Variants in TGM5 observed in about 807,000 individuals in gnomAD.
TGM5 encodes protein-glutamine gamma-glutamyltransferase 5.
In TGM5, 69 loss-of-function variants were observed where a neutral mutation model predicts 77.2. That is an observed-to-expected ratio of 0.89 (90% CI 0.74 to 1.09). TGM5 has a LOEUF of 1.09. Among genes scored for constraint, TGM5 ranks in the 50% least tolerant of loss-of-function variants. The pLI, the probability that TGM5 is intolerant of heterozygous loss-of-function variation, is 0.00. For synonymous variants in TGM5, 346 were observed against 351.8 expected (o/e 0.98, Z 0.18); for missense variants, 842 against 896.5 (o/e 0.94, Z 0.78).
intron 9 of TGM5, among the ~76,000 whole-genome samples, chr15:43,238,280 C>T (rs1007645648): frequency 3.3e-5 from 5 of 152,200 alleles, no homozygotes; most frequent in South Asian, 2.1e-4. Flanking sequence ...TAGTGGCTGG[C>T]GCTTCTCAAT....
At chr15:43,257,607 C>A (rs1215793767) in intron 3 of TGM5, among the ~76,000 whole-genome samples, 1 of 152,058 alleles carries the variant, frequency 6.6e-6, no homozygotes, top group Non-Finnish European at 1.5e-5. Context: ...TGGAGACATA[C>A]CAACACTTTT....
At chr15:43,244,352 C>T (rs994510002) in intron 6 of TGM5, among the ~76,000 whole-genome samples, 3 of 152,194 alleles carry the variant, frequency 2.0e-5, no homozygotes, top group African/African-American at 7.2e-5. Flanking sequence ...AAGTGAGGCA[C>T]CTTTAACCTG....
intron 6 of TGM5, among the ~76,000 whole-genome samples, chr15:43,243,172 G>A (rs2042649807): frequency 6.6e-6 from 1 of 152,198 alleles, no homozygotes; most frequent in Non-Finnish European, 1.5e-5. Flanking sequence ...TTGTTTATGA[G>A]TCTGTCTTCC....
At chr15:43,241,286 C>T in intron 6 of TGM5, 1 of 456,820 alleles carries the variant, frequency 2.2e-6, no homozygotes, top group Non-Finnish European at 4.1e-6. Flanking sequence ...GACTGGCAAG[C>T]CTTTCCTTTG....
intron 1 of TGM5, among the ~76,000 whole-genome samples, chr15:43,265,790 A>C (rs1478427201): frequency 6.6e-6 from 1 of 152,242 alleles, no homozygotes; most frequent in Non-Finnish European, 1.5e-5. Context: ...ATTGAAAACA[A>C]CCTAAATGCC....
chr15:43,239,055 G>A lies in TGM5; in HGVS notation c.1107C>T (p.Gly369=), dbSNP rs763759928. The A allele has an allele frequency of 1.7e-5, 27 of 1,614,092 alleles. 1 individual carries two copies. The highest frequency in any genetic ancestry group is 8.8e-5 in the South Asian group (8 of 91,078). The stretch of plus-strand genomic sequence containing the variant: ...CAGAGGCAGGGCCACAGCAGTAGAC[G>A]CCTGAAGGAGAACAGGGGAGCCTCG... ...LDATPQEMSN[G]VYCCGPASVR... Residue 369 remains glycine (G), a splice_region_variant and synonymous_variant, in exon 9 of 13, where the codon GGC becomes GGT. Transcript: ENST00000220420.
Position 43,235,465 on chromosome 15 carries a change from G to T in TGM5, c.1714+4C>A, listed in dbSNP as rs766911438. The T allele has an allele frequency of 4.3e-6, 7 of 1,614,010 alleles. No homozygotes were observed. Among genetic ancestry groups the T allele is most frequent in the African/African-American group, 1.3e-5 (1 of 74,914 alleles). ...CTGCGTACACAAACTGTGCACATGCGTACCTTCTTTAGGAGAGAGTGTGAT... is the reference window on the plus strand; with the variant it reads ...CTGCGTACACAAACTGTGCACATGCTTACCTTCTTTAGGAGAGAGTGTGAT... On this transcript the variant is annotated splice_donor_region_variant and intron_variant, in intron 10 of 12. Transcript: ENST00000220420.
Position 43,266,897 on chromosome 15 carries a change from G to C in TGM5, c.-48C>G. 1 of 1,613,258 alleles carries C rather than the reference G, an allele frequency of 6.2e-7. No homozygotes were observed. Among genetic ancestry groups the C allele is most frequent in the South Asian group, 1.1e-5 (1 of 91,078 alleles). On this transcript the variant is annotated 5_prime_UTR_variant, in exon 1 of 13. Transcript: ENST00000220420. ...GATGCTCCCCACAGAACAGCTGGGC[G>C]GTCTGGAGCTTCAGCAAACTGGTGC...
intron 6 of TGM5, among the ~76,000 whole-genome samples, chr15:43,242,631 G>A (rs2042644584): frequency 6.6e-6 from 1 of 152,206 alleles, no homozygotes; most frequent in Non-Finnish European, 1.5e-5. Context: ...TTGACACAGA[G>A]CCTCTCCAGG....
At position 43,248,394 on chromosome 15, in the gene TGM5, G is replaced by A. The variant is rs574308370; in HGVS notation, c.862+4365C>T. Among the ~76,000 whole-genome samples the A allele has an allele frequency of 3.6e-4, 55 of 152,174 alleles. 1 individual carries two copies. The highest frequency in any genetic ancestry group is 6.6e-4 in the Non-Finnish European group (45 of 68,006). ...TCACCATGTTAGTCAAGTTGGTCTCGATCTCCTGACCTGGTGATTCCCCTG... is the reference window on the plus strand; with the variant it reads ...TCACCATGTTAGTCAAGTTGGTCTCAATCTCCTGACCTGGTGATTCCCCTG... On this transcript the variant is annotated intron_variant, in intron 6 of 12. Coordinates refer to ENST00000220420, the MANE Select transcript of TGM5 (RefSeq NM_201631.4).
chr15:43,257,580 G>C (rs181494119), intron 3 of TGM5, among the ~76,000 whole-genome samples: 3 of 152,204 alleles, frequency 2.0e-5, no homozygotes, highest in African/African-American at 7.2e-5. Flanking sequence ...CTACATGTTG[G>C]GGGTGTGGAG....
intron 7 of TGM5, chr15:43,239,490 T>C: frequency 1.8e-6 from 1 of 564,324 alleles, no homozygotes; most frequent in Non-Finnish European, 3.2e-6. Context: ...AAGATTAACC[T>C]GGGCAAAAAA....
intron 5 of TGM5, 126 bp downstream of exon 5, chr15:43,253,380 C>T (rs62019409): frequency 0.017 from 22,304 of 1,347,944 alleles, 216 homozygotes; most frequent in Admixed American, 0.02. Flanking sequence ...CACATTCTGG[C>T]GTCAGTCTCA....
In TGM5 at chr15:43,233,636, A is replaced by T; in HGVS notation, c.1927T>A (p.Ser643Thr). Residue 643 changes from serine (S) to threonine (T), a missense_variant, in exon 12 of 13, where the codon TCA becomes ACA. Transcript: ENST00000220420. ...TCAACCTGCTCCGAGAGGGGGTTTG[A>T]AAATATCACCTGTATGGAGAGTGGC... ...NQPLSIQVIFSNPLSEQVEDC... is the reference protein window; with the variant it reads ...NQPLSIQVIFTNPLSEQVEDC... 6.2e-7 allele frequency: 1 copy of T among 1,614,174 alleles called. No individual in the cohort carries two copies.
At chr15:43,242,584 G>A (rs1374627704) in intron 6 of TGM5, among the ~76,000 whole-genome samples, 1 of 152,176 alleles carries the variant, frequency 6.6e-6, no homozygotes, top group East Asian at 1.9e-4. Flanking sequence ...ATTTAATTGT[G>A]TACAGATTTT....
At position 43,233,694 on chromosome 15, in the gene TGM5, A is replaced by G. The variant is rs1048998734; in HGVS notation, c.1876-7T>C. On this transcript the variant is annotated splice_polypyrimidine_tract_variant and splice_region_variant and intron_variant, in intron 11 of 12. Coordinates refer to ENST00000220420, the MANE Select transcript of TGM5 (RefSeq NM_201631.4). ...CAACGGCTGCTCCTAGAACCTAAAC[A>G]GACCAGGAGGGGAAGGAGAATTAGT... is the stretch of plus-strand genomic sequence containing the variant. 4 of 1,614,108 alleles carry G rather than the reference A, an allele frequency of 2.5e-6. No homozygotes were observed. Among genetic ancestry groups the G allele is most frequent in the Non-Finnish European group, 3.4e-6 (4 of 1,180,004 alleles).
rs879170554 is a variant in TGM5, at chr15:43,233,586, T to C, written c.1977A>G (p.Gly659=). Residue 659 remains glycine (G), a synonymous_variant, in exon 12 of 13, where the codon GGA becomes GGG. Coordinates refer to ENST00000220420, the MANE Select transcript of TGM5 (RefSeq NM_201631.4). ...TCTGCTGTTTCTTGAAGAGGCCACT[T>C]CCTTCCACAGTCAGCACACAGTCCT... ...QVEDCVLTVE[G]SGLFKKQQKV... 8 of 1,614,078 alleles carry C rather than the reference T, an allele frequency of 5.0e-6. No individual in the cohort carries two copies. The African/African-American group carries it at 1.1e-4, about 22-fold the overall frequency.
rs2142348851 is a variant in TGM5 at position 43,233,041 on chromosome 15, G to A, written c.*150C>T. On this transcript the variant is annotated 3_prime_UTR_variant, in exon 13 of 13. Transcript: ENST00000220420. ...GCTTAAATTTCTAGTGGAGTCAGGA[G>A]AGACAGAAAATGAACACGTCATCCC... The A allele has an allele frequency of 1.0e-6, 1 of 958,044 alleles. No homozygotes were observed. The highest frequency in any genetic ancestry group is 1.6e-6 in the Non-Finnish European group (1 of 643,682). 59.3% of individuals were successfully genotyped at this position (958,044 alleles called of 1,614,324 possible). A position where few individuals can be genotyped will look rare whatever the true frequency, so the allele number is the denominator to read the frequency against.
chr15:43,253,428 A>G (rs1490505671), intron 5 of TGM5, 78 bp downstream of exon 5: 8 of 1,591,626 alleles, frequency 5.0e-6, no homozygotes, highest in African/African-American at 2.7e-5. Flanking sequence ...TCTTTCACCC[A>G]CTGCAGGGGG....
Sources: gnomAD v4.1 joint callset for allele counts (sites outside exome capture counted in the v4.1 genomes callset) on GRCh38, gnomAD v4.1.1 for gene constraint, MANE v1.5 for transcripts, NCBI Gene and HGNC (gene_info 2026-07-23, HGNC 2026-07-21) for gene names.